Variants in ST8SIA4 observed in about 807,000 individuals in gnomAD.
The protein encoded by ST8SIA4 is ST8 alpha-N-acetyl-neuraminide alpha-2,8-sialyltransferase 4, also known as CMP-N-acetylneuraminate-poly-alpha-2,8-sialyltransferase.
ST8SIA4 carries 15 observed loss-of-function variants against 33.9 expected under a neutral mutation model. That is an observed-to-expected ratio of 0.44 (90% CI 0.30 to 0.68). The LOEUF (loss-of-function observed/expected upper bound fraction) is 0.68, where lower values mean the gene tolerates loss of function less well. ST8SIA4 is among the 30% of genes least tolerant of loss of function. The probability of loss-of-function intolerance (pLI) is 0.10; values close to 1 mark genes in which losing one functional copy is unlikely to be tolerated. For missense variants in ST8SIA4, 321 were observed against 428.0 expected (o/e 0.75, Z 2.21); for synonymous variants, 171 against 151.2 (o/e 1.13, Z -0.96).
intron 4 of ST8SIA4, among the ~76,000 whole-genome samples, chr5:100,850,674 T>C (rs1221134733): frequency 6.6e-6 from 1 of 151,940 alleles, no homozygotes; most frequent in African/African-American, 2.4e-5. Context: ...AGGGAACATA[T>C]TATACAGTAT....
At chr5:100,866,663 TA>T (rs1335293780) in intron 3 of ST8SIA4, among the ~76,000 whole-genome samples, 1 of 151,758 alleles carries the variant, frequency 6.6e-6, no homozygotes, top group Non-Finnish European at 1.5e-5. Flanking sequence ...ACTTAACATT[TA>T]AGCCTCATAA....
At chr5:100,815,005 T>C (rs1205290901) in intron 4 of ST8SIA4, among the ~76,000 whole-genome samples, 1 of 151,946 alleles carries the variant, frequency 6.6e-6, no homozygotes, top group Non-Finnish European at 1.5e-5. Context: ...AATATTAAAT[T>C]GAAAATAATG....
intron 4 of ST8SIA4, among the ~76,000 whole-genome samples, chr5:100,850,954 CTTTTTTTTT>C (rs70987828): frequency 1.3e-5 from 1 of 75,120 alleles, no homozygotes; most frequent in South Asian, 5.6e-4. Flanking sequence ...TGTAACCATA[CTTTTTTTTT>C]TTTTTTTTTT....
intron 3 of ST8SIA4, among the ~76,000 whole-genome samples, chr5:100,876,498 G>A (rs890199363): frequency 6.6e-6 from 1 of 151,970 alleles, no homozygotes; most frequent in Non-Finnish European, 1.5e-5. Context: ...TCTTATCAGA[G>A]GGTACTGCCG....
At chr5:100,833,040 C>T (rs1313134070) in intron 4 of ST8SIA4, among the ~76,000 whole-genome samples, 1 of 152,118 alleles carries the variant, frequency 6.6e-6, no homozygotes, top group East Asian at 1.9e-4. Context: ...TCGTGCTATG[C>T]ATTCAAAGGT....
intron 4 of ST8SIA4, among the ~76,000 whole-genome samples, chr5:100,823,334 T>A (rs890624712): frequency 3.3e-5 from 5 of 152,202 alleles, no homozygotes; most frequent in Non-Finnish European, 5.9e-5. Context: ...TAACATATAA[T>A]CAAGAAATAA....
At chr5:100,862,993 T>A (rs545739333) in intron 3 of ST8SIA4, among the ~76,000 whole-genome samples, 1 of 152,346 alleles carries the variant, frequency 6.6e-6, no homozygotes, top group Non-Finnish European at 1.5e-5. Flanking sequence ...TATGTGCAAG[T>A]GATATGGCTG....
chr5:100,813,760 G>T (rs1177212437), intron 4 of ST8SIA4, among the ~76,000 whole-genome samples: 1 of 151,950 alleles, frequency 6.6e-6, no homozygotes, highest in Non-Finnish European at 1.5e-5. Context: ...TGTGATTTAT[G>T]TGAAAGTATT....
At chr5:100,832,756 C>A (rs1293308352) in intron 4 of ST8SIA4, among the ~76,000 whole-genome samples, 1 of 151,970 alleles carries the variant, frequency 6.6e-6, no homozygotes, top group Non-Finnish European at 1.5e-5. Flanking sequence ...AAACTTACAC[C>A]AACCCAACTC....
chr5:100,871,209 A>G (rs976875860), intron 3 of ST8SIA4, among the ~76,000 whole-genome samples: 5 of 152,062 alleles, frequency 3.3e-5, no homozygotes, highest in African/African-American at 1.2e-4. Flanking sequence ...TAAAAGAGTT[A>G]GCATTCAAGG....
intron 1 of ST8SIA4, among the ~76,000 whole-genome samples, chr5:100,897,040 T>C (rs2112484323): frequency 6.6e-6 from 1 of 152,244 alleles, no homozygotes; most frequent in East Asian, 1.9e-4. Flanking sequence ...TTTGTGAGGA[T>C]CAAGTAAGGC....
intron 3 of ST8SIA4, among the ~76,000 whole-genome samples, chr5:100,861,688 C>T (rs1376243993): frequency 6.6e-6 from 1 of 152,134 alleles, no homozygotes; most frequent in Non-Finnish European, 1.5e-5. Flanking sequence ...CTATTCTTAG[C>T]TATTTGATCA....
chr5:100,897,981 G>A (rs1752816793), intron 1 of ST8SIA4, among the ~76,000 whole-genome samples: 1 of 152,188 alleles, frequency 6.6e-6, no homozygotes, highest in Non-Finnish European at 1.5e-5. Flanking sequence ...CACTTTGGGA[G>A]ATATGACTAC....
chr5:100,820,839 T>C (rs1751018492), intron 4 of ST8SIA4, among the ~76,000 whole-genome samples: 1 of 152,124 alleles, frequency 6.6e-6, no homozygotes, highest in Non-Finnish European at 1.5e-5. Flanking sequence ...AAAATATCTT[T>C]TGGGAGTTGT....
chr5:100,823,152 CAAACAAACAAAA>C (rs1488692785), intron 4 of ST8SIA4, among the ~76,000 whole-genome samples: 103 of 149,958 alleles, frequency 6.9e-4, no homozygotes, highest in Middle Eastern at 3.4e-3. Context: ...AACAAACAAA[CAAACAAACAAAA>C]AAACCCCACC....
intron 3 of ST8SIA4, among the ~76,000 whole-genome samples, chr5:100,869,772 A>C (rs183183768): frequency 1.3e-5 from 2 of 152,286 alleles, no homozygotes; most frequent in African/African-American, 4.8e-5. Flanking sequence ...ATTTAAATTC[A>C]GCATATCTTG....
At chr5:100,829,943 A>G (rs1751218334) in intron 4 of ST8SIA4, among the ~76,000 whole-genome samples, 1 of 151,850 alleles carries the variant, frequency 6.6e-6, no homozygotes, top group African/African-American at 2.4e-5. Context: ...CAACACTTCT[A>G]TCTAGCAACA....
chr5:100,833,761 A>G (rs1195686751), intron 4 of ST8SIA4, among the ~76,000 whole-genome samples: 1 of 152,160 alleles, frequency 6.6e-6, no homozygotes, highest in Non-Finnish European at 1.5e-5. Context: ...TCTTGGCATT[A>G]ACTAGAATGT....
Position 100,875,775 on chromosome 5 carries a change from A to AT in ST8SIA4, c.503+10567dup, listed in dbSNP as rs1200341446. On this transcript the variant is annotated intron_variant, in intron 3 of 4. Transcript: ENST00000231461. ...CTTGACGTTTATCTTTTAACAGCTA[A>AT]TTTTCTCTTTAAATGTTTACAAGAA... Among the ~76,000 whole-genome samples, 5 of 152,174 alleles carry AT rather than the reference A, an allele frequency of 3.3e-5. No homozygotes were observed. The East Asian group carries it at 9.6e-4, about 29-fold the overall frequency.
Sources: gnomAD v4.1 joint callset for allele counts (sites outside exome capture counted in the v4.1 genomes callset) on GRCh38, gnomAD v4.1.1 for gene constraint, MANE v1.5 for transcripts, NCBI Gene and HGNC (gene_info 2026-07-23, HGNC 2026-07-21) for gene names.